Variants in ABCG2 observed in about 807,000 individuals in gnomAD.
The protein encoded by ABCG2 is broad substrate specificity ATP-binding cassette transporter ABCG2.
In ABCG2, 80 loss-of-function variants were observed where a neutral mutation model predicts 73.5. That is an observed-to-expected ratio of 1.09 (90% confidence interval 0.91 to 1.31). The LOEUF is 1.31. Among genes scored for constraint, ABCG2 ranks in the 50% most tolerant of loss-of-function variants. The pLI is 0.00. For synonymous variants in ABCG2, 269 were observed against 282.4 expected (o/e 0.95, Z 0.48); for missense variants, 796 against 786.2 (o/e 1.01, Z -0.15).
chr4:88,108,359 T>TA (rs5860115), intron 9 of ABCG2, among the ~76,000 whole-genome samples: 105,176 of 149,264 alleles, frequency 0.7, 43,589 homozygotes, highest in Non-Finnish European at 0.93. Context: ...CCGTCTCTAC[T>TA]AAAAAAAAAC....
intron 1 of ABCG2, among the ~76,000 whole-genome samples, chr4:88,193,019 A>G (rs1728759885): frequency 6.6e-6 from 1 of 152,118 alleles, no homozygotes; most frequent in African/African-American, 2.4e-5. Context: ...AGCCAAAGCT[A>G]TTTTTTTAAA....
intron 10 of ABCG2, among the ~76,000 whole-genome samples, chr4:88,105,434 C>A (rs1722708416): frequency 6.6e-6 from 1 of 152,094 alleles, no homozygotes; most frequent in Non-Finnish European, 1.5e-5. Context: ...ATGAAATAAC[C>A]AGAACTCTGA....
intron 1 of ABCG2, among the ~76,000 whole-genome samples, chr4:88,227,059 C>G (rs996856857): frequency 1.3e-5 from 2 of 152,100 alleles, no homozygotes; most frequent in African/African-American, 4.8e-5. Flanking sequence ...TTGTTCATGC[C>G]ACTGCACTCC....
At chr4:88,207,774 A>C (rs1167654827) in intron 1 of ABCG2, among the ~76,000 whole-genome samples, 1 of 152,056 alleles carries the variant, frequency 6.6e-6, no homozygotes, top group Non-Finnish European at 1.5e-5. Context: ...CGAACTCCTG[A>C]GCTCAAACAG....
At chr4:88,204,165 T>TA (rs1189238242) in intron 1 of ABCG2, among the ~76,000 whole-genome samples, 1 of 152,220 alleles carries the variant, frequency 6.6e-6, no homozygotes, top group Non-Finnish European at 1.5e-5. Flanking sequence ...CTCATGCCTG[T>TA]AATCCCAGCT....
In ABCG2 at chr4:88,229,672, C is replaced by A. The variant is rs558540649; in HGVS notation, c.-20+1322G>T. On this transcript the variant is annotated intron_variant, in intron 1 of 15. Transcript: ENST00000515655. ...CTCCTGGCCACCATTCTCCTTTTCT[C>A]CCCACTTTTTTCCCATTGCTTTCTT... 2.0e-5 allele frequency among the ~76,000 whole-genome samples: 3 copies of A among 152,252 alleles called. No individual in the cohort carries two copies. The East Asian group carries it at 5.8e-4, about 29-fold the overall frequency.
upstream of ABCG2, among the ~76,000 whole-genome samples, chr4:88,162,898 C>A (rs900787734): frequency 1.3e-5 from 2 of 152,140 alleles, no homozygotes; most frequent in African/African-American, 4.8e-5. Flanking sequence ...AGAGTCACTG[C>A]CCAGTATTTA....
chr4:88,127,991 C>T (rs547725002), intron 5 of ABCG2, among the ~76,000 whole-genome samples: 1 of 150,162 alleles, frequency 6.7e-6, no homozygotes, highest in African/African-American at 2.4e-5. Flanking sequence ...AGTGAACAGG[C>T]AACCTACAGA....
intron 1 of ABCG2, among the ~76,000 whole-genome samples, chr4:88,153,593 G>A (rs2110076215): frequency 6.6e-6 from 1 of 151,178 alleles, no homozygotes; most frequent in Admixed American, 6.6e-5. Context: ...AAAACTGCTT[G>A]GCTGATTTGA....
At chr4:88,197,985 G>A (rs896791659) in intron 1 of ABCG2, among the ~76,000 whole-genome samples, 22 of 142,162 alleles carry the variant, frequency 1.5e-4, no homozygotes, top group East Asian at 4.2e-4. Context: ...AGCCGAAATC[G>A]CACCACTGCA....
chr4:88,174,148 G>GTT (rs553263085), intron 1 of ABCG2, among the ~76,000 whole-genome samples: 2 of 143,776 alleles, frequency 1.4e-5, no homozygotes, highest in Non-Finnish European at 1.5e-5. Flanking sequence ...CCTGACTGGT[G>GTT]TTTTTTTTTT....
chr4:88,127,116 A>G (rs955592996), intron 5 of ABCG2, among the ~76,000 whole-genome samples: 2 of 152,316 alleles, frequency 1.3e-5, no homozygotes, highest in African/African-American at 4.8e-5. Flanking sequence ...AATCACAAGC[A>G]TTCCTATACA....
upstream of ABCG2, chr4:88,159,204 C>T: frequency 2.2e-6 from 1 of 456,310 alleles, no homozygotes; most frequent in Non-Finnish European, 4.4e-6. Context: ...CTGATCAGTA[C>T]CTCGTCTGAC....
At chr4:88,177,491 C>T (rs1439989379) in intron 1 of ABCG2, among the ~76,000 whole-genome samples, 3 of 151,918 alleles carry the variant, frequency 2.0e-5, no homozygotes, top group Admixed American at 2.0e-4. Flanking sequence ...AAAAACTAAG[C>T]GGGAGAGACA....
intron 1 of ABCG2, among the ~76,000 whole-genome samples, chr4:88,204,314 G>A (rs552855346): frequency 6.6e-6 from 1 of 152,122 alleles, no homozygotes; most frequent in South Asian, 2.1e-4. Flanking sequence ...CCAGCTACTC[G>A]GGAGGCTGAG....
rs1411643249 is a variant in ABCG2 at position 88,092,376 on chromosome 4, G to A, written c.1826C>T (p.Thr609Ile). Residue 609 changes from threonine to isoleucine, a missense_variant, in exon 16 of 16, where the codon ACT becomes ATT. Physicochemically the swap from Thr to Ile is moderately conservative, Grantham distance 89 (BLOSUM62 -1). Transcript: ENST00000237612. ...GNNPCNYATC[T>I]GEEYLVKQGI... ...CTGCTTTACCAAATATTCTTCGCCA[G>A]TACATCTGAAATTAAACAGAAAAAG... 3 of 1,605,552 alleles carry A rather than the reference G, an allele frequency of 1.9e-6. No individual in the cohort carries two copies. The highest frequency in any genetic ancestry group is 4.5e-5 in the East Asian group (2 of 44,806).
rs10017692 is a variant in ABCG2, at chr4:88,156,133, G to C, written c.-20+2253C>G. 6.3e-3 allele frequency among the ~76,000 whole-genome samples: 955 copies of C among 152,062 alleles called. 10 individuals carry two copies. Among genetic ancestry groups the C allele is most frequent in the African/African-American group, 0.022 (912 of 41,466 alleles). On this transcript the variant is annotated intron_variant, in intron 1 of 15. Coordinates refer to ENST00000237612, the MANE Select transcript of ABCG2 (RefSeq NM_004827.3). ...CTCACACCTGTAATCCCAGCACTTT[G>C]GGAGGCCGAGGCGGGCAGATCACTT...
At chr4:88,211,358 G>GACT (rs1553900212) in intron 1 of ABCG2, among the ~76,000 whole-genome samples, 1 of 33,648 alleles carries the variant, frequency 3.0e-5, no homozygotes, top group Non-Finnish European at 5.6e-5. Flanking sequence ...TTCAACCCCT[G>GACT]CCCCACCCCC....
intron 2 of ABCG2, among the ~76,000 whole-genome samples, chr4:88,135,862 T>C (rs946358662): frequency 1.1e-4 from 16 of 152,196 alleles, no homozygotes; most frequent in African/African-American, 2.2e-4. Flanking sequence ...GTTTATATTA[T>C]GGAATAGGAA....
Sources: gnomAD v4.1 joint callset for allele counts (sites outside exome capture counted in the v4.1 genomes callset) on GRCh38, gnomAD v4.1.1 for gene constraint, MANE v1.5 for transcripts, NCBI Gene and HGNC (gene_info 2026-07-23, HGNC 2026-07-21) for gene names.